The following B4GALNT3 variants were observed in gnomAD, a reference collection of about 807,000 sequenced individuals.
B4GALNT3 encodes beta-1,4-N-acetyl-galactosaminyltransferase 3, also known as beta-1,4-N-acetylgalactosaminyltransferase 3.
Under a neutral mutation model 120.2 loss-of-function variants are expected in B4GALNT3, and 86 were observed. That is an observed-to-expected ratio of 0.72 (90% confidence interval 0.60 to 0.86). The LOEUF is 0.86. B4GALNT3 is among the 40% of genes least tolerant of loss of function. The probability of loss-of-function intolerance (pLI) is 0.00; values close to 1 mark genes in which losing one functional copy is unlikely to be tolerated. For synonymous variants in B4GALNT3, 518 were observed against 510.4 expected, an observed-to-expected ratio of 1.01 and a Z score of -0.20; for missense variants, 1,167 against 1,298.9, an observed-to-expected ratio of 0.90 and a Z score of 1.56.
intron 1 of B4GALNT3, among the ~76,000 whole-genome samples, chr12:464,488 C>A (rs1267581438): frequency 6.6e-6 from 1 of 151,920 alleles, no homozygotes; most frequent in Admixed American, 6.6e-5. Flanking sequence ...AAAAAAATAC[C>A]CAGGCATGGT....
intron 1 of B4GALNT3, among the ~76,000 whole-genome samples, chr12:492,777 G>A (rs1035333546): frequency 2.0e-5 from 3 of 152,062 alleles, no homozygotes; most frequent in Non-Finnish European, 2.9e-5. Context: ...GTAGATCAAT[G>A]GAATGGAATT....
intron 16 of B4GALNT3, 105 bp downstream of exon 16, chr12:557,866 A>G (rs1947176587): frequency 1.4e-5 from 21 of 1,483,438 alleles, no homozygotes; most frequent in Non-Finnish European, 1.8e-5. Context: ...AGCCTTCCTG[A>G]TTCCTAGTCT....
chr12:465,242 A>G (rs932591159), intron 1 of B4GALNT3, among the ~76,000 whole-genome samples: 3 of 152,088 alleles, frequency 2.0e-5, no homozygotes, highest in African/African-American at 7.2e-5. Flanking sequence ...ATCGCTCTTT[A>G]TGCTGATATT....
chr12:546,956 G>A (rs1947015217), intron 7 of B4GALNT3: 1 of 542,536 alleles, frequency 1.8e-6, no homozygotes, highest in African/African-American at 1.9e-5. Flanking sequence ...TTAGTGACAC[G>A]CGGGACTGGA....
At chr12:492,120 A>G (rs1946347076) in intron 1 of B4GALNT3, among the ~76,000 whole-genome samples, 1 of 152,082 alleles carries the variant, frequency 6.6e-6, no homozygotes, top group Non-Finnish European at 1.5e-5. Context: ...TTATACTGGA[A>G]GTCCTATCTA....
At chr12:510,444 TG>T (rs549996742) in intron 1 of B4GALNT3, among the ~76,000 whole-genome samples, 5 of 98,756 alleles carry the variant, frequency 5.1e-5, no homozygotes, top group African/African-American at 1.4e-4. Context: ...AGACACTCCA[TG>T]GGGGGGTTGG....
At chr12:498,450 A>G (rs534544456) in intron 1 of B4GALNT3, among the ~76,000 whole-genome samples, 4 of 152,212 alleles carry the variant, frequency 2.6e-5, no homozygotes, top group African/African-American at 9.6e-5. Context: ...GTTAATTTAA[A>G]TAACTCCATC....
At chr12:512,959 A>ACCTTCCACTTTCTTCCACCTTCCG (rs1946609886) in intron 1 of B4GALNT3, among the ~76,000 whole-genome samples, 1 of 103,364 alleles carries the variant, frequency 9.7e-6, no homozygotes, top group East Asian at 2.9e-4. Flanking sequence ...TCCACCTTCC[A>ACCTTCCACTTTCTTCCACCTTCCG]CCTTCCACTT....
chr12:507,256 T>C (rs553157793), intron 1 of B4GALNT3, among the ~76,000 whole-genome samples: 131 of 152,368 alleles, frequency 8.6e-4, no homozygotes, highest in African/African-American at 2.5e-3. Flanking sequence ...TTGTGATATA[T>C]ATGGCAACCT....
intron 1 of B4GALNT3, among the ~76,000 whole-genome samples, chr12:499,074 T>A (rs959717628): frequency 1.3e-5 from 2 of 152,182 alleles, no homozygotes; most frequent in African/African-American, 4.8e-5. Context: ...GAGCCCTTCA[T>A]AATGTATAAT....
intron 1 of B4GALNT3, among the ~76,000 whole-genome samples, chr12:507,780 C>A (rs1946512280): frequency 6.8e-6 from 1 of 146,490 alleles, no homozygotes; most frequent in Non-Finnish European, 1.5e-5. Context: ...ACATTCCTGC[C>A]CCTGGAAATC....
rs1194895104 is a variant in B4GALNT3, at chr12:562,710, TTC to T, written c.*1263_*1264del. 1 of 152,452 alleles carries T rather than the reference TTC, an allele frequency of 6.6e-6. No homozygotes were observed. The highest frequency in any genetic ancestry group is 2.4e-5 in the African/African-American group (1 of 41,464). 9.4% of individuals were successfully genotyped at this position (152,452 alleles called of 1,614,324 possible). ...TTTCTGTCACCTGGAGACCTTGTAC[TTC>T]TCTTGCACTAATAACCCCGGTGCTT... On this transcript the variant is annotated 3_prime_UTR_variant, in exon 20 of 20. Coordinates refer to ENST00000266383, the MANE Select transcript of B4GALNT3 (RefSeq NM_173593.4). The surrounding 1 kb of genome is among the most constrained non-coding windows in gnomAD (Gnocchi z 5.2).
At chr12:560,679 A>G (rs1186116150) in intron 19 of B4GALNT3, among the ~76,000 whole-genome samples, 1 of 152,216 alleles carries the variant, frequency 6.6e-6, no homozygotes, top group Non-Finnish European at 1.5e-5. Flanking sequence ...TGATTTGGGA[A>G]GCCGGGTCCA....
At chr12:484,082 C>G (rs1348795269) in intron 1 of B4GALNT3, among the ~76,000 whole-genome samples, 1 of 152,222 alleles carries the variant, frequency 6.6e-6, no homozygotes, top group Non-Finnish European at 1.5e-5. Flanking sequence ...TAAAAGCTGA[C>G]ATTTATGAGG....
At chr12:500,336 C>T (rs1490951222) in intron 1 of B4GALNT3, among the ~76,000 whole-genome samples, 2 of 152,188 alleles carry the variant, frequency 1.3e-5, no homozygotes, top group African/African-American at 2.4e-5. Context: ...TTATCTTTCA[C>T]TTATCAACCT....
intron 1 of B4GALNT3, among the ~76,000 whole-genome samples, chr12:506,947 T>A (rs1377594770): frequency 6.6e-6 from 1 of 152,268 alleles, no homozygotes; most frequent in African/African-American, 2.4e-5. Flanking sequence ...AGTGCATTTT[T>A]AAATGAATTT....
chr12:510,948 C>CAAT (rs1327213925), intron 1 of B4GALNT3, among the ~76,000 whole-genome samples: 1 of 150,358 alleles, frequency 6.7e-6, no homozygotes, highest in Non-Finnish European at 1.5e-5. Context: ...CAGTCACTCC[C>CAAT]AATTCTCCCC....
intron 1 of B4GALNT3, among the ~76,000 whole-genome samples, chr12:511,754 T>TCCTTCCAC (rs1443067607): frequency 2.2e-5 from 1 of 45,594 alleles, no homozygotes; most frequent in African/African-American, 1.1e-4. Context: ...CCTTCCACCT[T>TCCTTCCAC]CTTCCACCTT....
rs1317856243 is a variant in B4GALNT3 at position 460,532 on chromosome 12, C to G, written c.156C>G (p.Asn52Lys). 2.6e-6 allele frequency: 4 copies of G among 1,520,628 alleles called. No homozygotes were observed. The highest frequency in any genetic ancestry group is 1.4e-5 in the African/African-American group (1 of 70,928). The allele number at this position is 1,520,628 out of a possible 1,614,324, so 94.2% of individuals were successfully genotyped here. ...TGGCGTCGGCCCAGGTCGGCGGGAA[C>G]CCCCTGAACCGGAGTAAGTAGCACC... ...ELVASAQVGG[N>K]PLNRRYGSWR... The change falls in exon 1 of 20, where the codon AAC (asparagine) becomes AAG (lysine). Residue 52 changes from asparagine (N) to lysine (K), a missense_variant. By Grantham distance (94) the Asn-to-Lys change is moderately conservative. Coordinates refer to ENST00000266383, the MANE Select transcript of B4GALNT3 (RefSeq NM_173593.4). This position sits in a 1 kb window ranked among gnomAD's most constrained non-coding sequence, Gnocchi z 8.0.
Sources: allele counts gnomAD v4.1 joint callset (sites outside exome capture counted in the v4.1 genomes callset), GRCh38; gene constraint gnomAD v4.1.1; non-coding constraint Gnocchi (gnomAD v3.1); transcripts MANE v1.5; gene names NCBI Gene and HGNC (gene_info 2026-07-23, HGNC 2026-07-21).